MAP2: variants seen among roughly 807,000 people sequenced by gnomAD.
The protein encoded by MAP2 is microtubule-associated protein 2.
A neutral mutation model predicts 137.6 loss-of-function variants in MAP2; 14 were observed. The ratio of observed to expected loss-of-function variants is 0.10; its 90% CI spans 0.07 to 0.16. The LOEUF is 0.16. Ranked by LOEUF, MAP2 falls within the 10% of genes least tolerant of loss-of-function variation. The probability of loss-of-function intolerance (pLI) is 1.00; values close to 1 mark genes in which losing one functional copy is unlikely to be tolerated. For synonymous variants in MAP2, 786 were observed against 782.3 expected (o/e 1.00, Z -0.08); for missense variants, 2,088 against 2,191.5 (o/e 0.95, Z 0.94).
intron 2 of MAP2, among the ~76,000 whole-genome samples, chr2:209,535,180 T>C (rs1244920787): frequency 6.6e-6 from 1 of 152,218 alleles, no homozygotes; most frequent in African/African-American, 2.4e-5. Flanking sequence ...TGGAATGATA[T>C]AATATGTGAA....
chr2:209,728,415 G>A (rs2074877143), intron 14 of MAP2, among the ~76,000 whole-genome samples: 1 of 152,098 alleles, frequency 6.6e-6, no homozygotes, highest in African/African-American at 2.4e-5. Flanking sequence ...ATAAAATGAG[G>A]CATATTTTCA....
intron 5 of MAP2, among the ~76,000 whole-genome samples, chr2:209,674,229 C>T: frequency 6.6e-6 from 1 of 151,786 alleles, no homozygotes; most frequent in East Asian, 1.9e-4. Context: ...GTGCATATCA[C>T]TATTGCTCTT....
At chr2:209,626,281 G>C (rs1348033008) in intron 4 of MAP2, among the ~76,000 whole-genome samples, 1 of 152,080 alleles carries the variant, frequency 6.6e-6, no homozygotes, top group Non-Finnish European at 1.5e-5. Flanking sequence ...CAGGTATGGT[G>C]GTGGGCACCT....
chr2:209,576,671 A>G (rs1334831035), intron 2 of MAP2, among the ~76,000 whole-genome samples: 2 of 152,220 alleles, frequency 1.3e-5, no homozygotes, highest in Admixed American at 1.3e-4. Context: ...AATTGATTGA[A>G]TGGATGAATG....
rs556979956 is a variant in MAP2, at chr2:209,694,373, A to G, written c.2203A>G (p.Thr735Ala). 6.2e-7 allele frequency: 1 copy of G among 1,614,042 alleles called. No individual in the cohort carries two copies. The highest frequency in any genetic ancestry group is 2.2e-5 in the East Asian group (1 of 44,862). Reference sequence around the variant, plus strand: ...TCTGGCTTCCGATATTCTAACCAACACTAGTGGAAGTATGGATGAAGGGGA... The same window carrying G: ...TCTGGCTTCCGATATTCTAACCAACGCTAGTGGAAGTATGGATGAAGGGGA... ...SPLASDILTN[T>A]SGSMDEGDDY... Residue 735 changes from threonine to alanine, a missense_variant, in exon 8 of 16, where the codon ACT (threonine) becomes GCT (alanine). This residue lies in a region of MAP2 where 500 missense variants were observed against 482.9 expected (regional missense o/e 1.04). Transcript: ENST00000682079.
intron 1 of MAP2, among the ~76,000 whole-genome samples, chr2:209,432,767 T>C (rs1291605477): frequency 1.3e-5 from 2 of 152,180 alleles, no homozygotes; most frequent in African/African-American, 4.8e-5. Context: ...CATATTGGTC[T>C]TCCTCTGAAG....
At chr2:209,540,200 T>C (rs1458513653) in intron 2 of MAP2, among the ~76,000 whole-genome samples, 1 of 149,356 alleles carries the variant, frequency 6.7e-6, no homozygotes, top group Admixed American at 6.7e-5. Context: ...TAGAAATATA[T>C]AGTGACCACT....
At chr2:209,464,133 A>G (rs1703548109) in intron 1 of MAP2, among the ~76,000 whole-genome samples, 1 of 152,118 alleles carries the variant, frequency 6.6e-6, no homozygotes, top group Admixed American at 6.6e-5. Context: ...CCAAAATTTG[A>G]GACTGTGCTC....
chr2:209,705,809 T>C, intron 12 of MAP2, 82 bp downstream of exon 12: 1 of 1,229,228 alleles, frequency 8.1e-7, no homozygotes, highest in Non-Finnish European at 1.1e-6. Flanking sequence ...TATATTTTAA[T>C]TTGTAAAAAT....
chr2:209,611,908 AAAT>A (rs1559407235), intron 3 of MAP2, among the ~76,000 whole-genome samples: 1 of 152,154 alleles, frequency 6.6e-6, no homozygotes, highest in Non-Finnish European at 1.5e-5. Context: ...AGAAAAAACA[AAAT>A]ATTACAGTAA....
intron 7 of MAP2, among the ~76,000 whole-genome samples, chr2:209,685,864 C>T (rs188562850): frequency 1.9e-3 from 290 of 152,198 alleles, no homozygotes; most frequent in Middle Eastern, 3.4e-3. Context: ...GTTAAAACAT[C>T]CAATGAGTAT....
chr2:209,554,103 C>G (rs1234902023), intron 2 of MAP2, among the ~76,000 whole-genome samples: 1 of 152,220 alleles, frequency 6.6e-6, no homozygotes, highest in Non-Finnish European at 1.5e-5. Context: ...GAAGGCATGA[C>G]AGAAATATAC....
At chr2:209,568,902 T>C (rs896621714) in intron 2 of MAP2, among the ~76,000 whole-genome samples, 2 of 151,838 alleles carry the variant, frequency 1.3e-5, no homozygotes, top group African/African-American at 4.8e-5. Flanking sequence ...TTTTCCTTCA[T>C]GGTTTGCCCA....
At chr2:209,511,149 T>C (rs1490956136) in intron 2 of MAP2, among the ~76,000 whole-genome samples, 1 of 151,756 alleles carries the variant, frequency 6.6e-6, no homozygotes, top group Admixed American at 6.6e-5. Context: ...CTCCTCAAAA[T>C]TTAAAAAATA....
intron 5 of MAP2, among the ~76,000 whole-genome samples, chr2:209,664,366 A>G (rs1157104133): frequency 6.6e-6 from 1 of 152,158 alleles, no homozygotes; most frequent in Non-Finnish European, 1.5e-5. Context: ...CCTGGCCAAC[A>G]TAGTGAAACC....
chr2:209,537,821 C>T (rs1193178941), intron 2 of MAP2, among the ~76,000 whole-genome samples: 1 of 152,122 alleles, frequency 6.6e-6, no homozygotes, highest in Non-Finnish European at 1.5e-5. Context: ...TTCATTTTAT[C>T]AAGAAGCAGC....
chr2:209,699,759 A>T (rs894228879), intron 10 of MAP2, among the ~76,000 whole-genome samples: 3 of 152,146 alleles, frequency 2.0e-5, no homozygotes, highest in African/African-American at 7.2e-5. Flanking sequence ...AAATGAAGGG[A>T]TACAAAGGGA....
chr2:209,638,512 T>C (rs1043712460), intron 4 of MAP2, among the ~76,000 whole-genome samples: 1 of 152,180 alleles, frequency 6.6e-6, no homozygotes, highest in Non-Finnish European at 1.5e-5. Flanking sequence ...CTCTGCTTTA[T>C]ATGACTCATA....
rs1375220510 is a variant in MAP2, at chr2:209,680,870, T to C, written c.454+43T>C. 4 of 1,537,438 alleles carry C rather than the reference T, an allele frequency of 2.6e-6. No individual in the cohort carries two copies. In the Admixed American group the frequency reaches 6.7e-5, roughly 26 times the overall value. Reference sequence around the variant, plus strand: ...TTTCAGGGTTTGTCTTCTGTTAAAGTGTGAACAATAAACTTCAATCAATAA... The same window carrying C: ...TTTCAGGGTTTGTCTTCTGTTAAAGCGTGAACAATAAACTTCAATCAATAA... On this transcript the variant is annotated intron_variant, in intron 7 of 15. Transcript: ENST00000682079.
Sources: gnomAD v4.1 joint callset for allele counts (sites outside exome capture counted in the v4.1 genomes callset) on GRCh38, gnomAD v4.1.1 for gene constraint, gnomAD v4.1.1 regional missense constraint, MANE v1.5 for transcripts, NCBI Gene and HGNC (gene_info 2026-07-23, HGNC 2026-07-21) for gene names.